The following IPO4 variants were observed in gnomAD, a reference collection of about 807,000 sequenced individuals.
IPO4 encodes importin 4, also known as importin-4.
A neutral mutation model predicts 133.5 loss-of-function variants in IPO4; 91 were observed. That is an observed-to-expected ratio of 0.68 (90% CI 0.58 to 0.81). The LOEUF is 0.81. Ranked by LOEUF, IPO4 falls within the 30% of genes least tolerant of loss-of-function variation. The pLI, the probability that IPO4 is intolerant of heterozygous loss-of-function variation, is 0.00. For missense variants in IPO4, 1,279 were observed against 1,386.2 expected, an observed-to-expected ratio of 0.92 and a Z score of 1.23; for synonymous variants, 607 against 581.6, an observed-to-expected ratio of 1.04 and a Z score of -0.63.
rs773156420 is a variant in IPO4, at chr14:24,183,611, C to T, written c.2042G>A (p.Gly681Glu). The T allele has an allele frequency of 1.9e-6, 3 of 1,614,010 alleles. No individual in the cohort carries two copies. Among genetic ancestry groups the T allele is most frequent in the Non-Finnish European group, 2.5e-6 (3 of 1,180,030 alleles). Residue 681 changes from glycine (G) to glutamate (E), a missense_variant, in exon 20 of 30, where the codon GGG becomes GAG. Gly to Glu is a moderately conservative substitution (Grantham distance 98). Coordinates refer to ENST00000354464, the MANE Select transcript of IPO4 (RefSeq NM_024658.4). ...DEKEDTCAAV[G>E]EISVNTSVAF... is the part of the protein sequence containing the mutation. ...TCACCTGGTGTTCACAGAGATCTCC[C>T]CCACGGCAGCACAGGTGTCTTCCTT...
At chr14:24,183,552 G>A in intron 20 of IPO4, 38 bp downstream of exon 20, 1 of 1,614,158 alleles carries the variant, frequency 6.2e-7, no homozygotes. Flanking sequence ...GGGGCCCCCA[G>A]GCAGGGTTTT....
intron 24 of IPO4, 81 bp from the exon 25 acceptor site, chr14:24,182,484 G>C: frequency 6.5e-7 from 1 of 1,540,202 alleles, no homozygotes; most frequent in Non-Finnish European, 8.8e-7. Flanking sequence ...GCCACCAGCT[G>C]CAGGGGTCCC....
chr14:24,185,964 T>G lies in IPO4; in HGVS notation c.1066A>C (p.Met356Leu). 1 of 1,613,928 alleles carries G rather than the reference T, an allele frequency of 6.2e-7. No homozygotes were observed. The highest frequency in any genetic ancestry group is 8.5e-7 in the Non-Finnish European group (1 of 1,179,888). The change falls in exon 12 of 30, where the codon ATG becomes CTG. Residue 356 changes from methionine to leucine, a missense_variant. Around this residue, in one of 3 missense-constraint regions of IPO4, gnomAD observed 695 missense variants for 704.1 expected, o/e 0.99. Transcript: ENST00000354464. ...PEKLCPQLMP[M>L]LEEALRSESP... The stretch of plus-strand genomic sequence containing the variant: ...TCGCTCCGCAAAGCCTCTTCCAACA[T>G]GGGCATCTAGGGAAGCATGTGGCAC...
intron 17 of IPO4, 26 bp from the exon 18 acceptor site, chr14:24,184,135 G>C (rs1437067337): frequency 6.2e-7 from 1 of 1,601,546 alleles, no homozygotes. Context: ...AGAAGAAGCT[G>C]TAAGGTCCTG....
Position 24,183,886 on chromosome 14 carries a change from C to T in IPO4, c.1882G>A (p.Gly628Arg), listed in dbSNP as rs1245876167. 6 of 1,614,040 alleles carry T rather than the reference C, an allele frequency of 3.7e-6. No homozygotes were observed. Among genetic ancestry groups the T allele is most frequent in the Middle Eastern group, 1.6e-4 (1 of 6,062 alleles). ...TCAAACAGAAGGAAGGAGCTGCTCC[C>T]GTCATACTGAGGCTGGAGCGGAGGC... ...STEGIVPQYD[G>R]SSSFLLFDDE... The change falls in exon 19 of 30, where the codon GGG becomes AGG. Residue 628 changes from glycine to arginine, a missense_variant. Gly to Arg is a moderately radical substitution (Grantham distance 125, BLOSUM62 -2). Coordinates refer to ENST00000354464, the MANE Select transcript of IPO4 (RefSeq NM_024658.4).
Position 24,182,954 on chromosome 14 carries a change from G to T in IPO4, c.2421+22C>A, listed in dbSNP as rs567601175. 5 of 1,612,888 alleles carry T rather than the reference G, an allele frequency of 3.1e-6. No homozygotes were observed. In the African/African-American group the frequency reaches 6.7e-5, roughly 22 times the overall value. On this transcript the variant is annotated intron_variant, in intron 23 of 29. Coordinates refer to ENST00000354464, the MANE Select transcript of IPO4 (RefSeq NM_024658.4). ...CCGAGGCCCAGCACCTCTCCTTCCC[G>T]AAGCCCACCTGCCCTGCTCACCTTC...
At chr14:24,185,152 C>A (rs757170039) in intron 14 of IPO4, 31 bp downstream of exon 14, 1 of 1,613,362 alleles carries the variant, frequency 6.2e-7, no homozygotes, top group Non-Finnish European at 8.5e-7. Context: ...GCCTCATCCC[C>A]CTTCCCCAAG....
chr14:24,188,173 G>A (rs771724625), intron 4 of IPO4, 43 bp downstream of exon 4: 29 of 1,598,354 alleles, frequency 1.8e-5, no homozygotes, highest in Non-Finnish European at 9.4e-6. Context: ...CAGAAACCTA[G>A]ACAAAGTCGT....
chr14:24,182,040 C>A lies in IPO4; in HGVS notation c.2722G>T (p.Ala908Ser), dbSNP rs773597112. 6.2e-7 allele frequency: 1 copy of A among 1,613,428 alleles called. No individual in the cohort carries two copies. The highest frequency in any genetic ancestry group is 8.5e-7 in the Non-Finnish European group (1 of 1,180,042). ...CGCACCTCGGGGTCTGCCTCTTGGG[C>A]GGTGCTCAACAGCACAGGGAGCAGC... ...SRLLPVLLST[A>S]QEADPEVRSN... The change falls in exon 26 of 30, where the codon GCC (alanine) becomes TCC (serine). Residue 908 changes from alanine to serine, a missense_variant. This residue lies in a region of IPO4 where 575 missense variants were observed against 653.4 expected (regional missense o/e 0.88). Coordinates refer to ENST00000354464, the MANE Select transcript of IPO4 (RefSeq NM_024658.4).
In IPO4 at chr14:24,183,338, C is replaced by T; in HGVS notation, c.2139G>A (p.Val713=). The T allele has an allele frequency of 6.2e-7, 1 of 1,611,178 alleles. No individual in the cohort carries two copies. Among genetic ancestry groups the T allele is most frequent in the Non-Finnish European group, 8.5e-7 (1 of 1,178,574 alleles). Residue 713 remains valine, a synonymous_variant, in exon 22 of 30, where the codon GTG becomes GTA. Coordinates refer to ENST00000354464, the MANE Select transcript of IPO4 (RefSeq NM_024658.4). The part of the protein sequence containing the change: ...FKLLECPHLN[V]RKAAHEALGQ... Reference sequence around the variant, plus strand: ...CCAGAGCCTCATGGGCTGCCTTCCGCACATTCAGGTGAGGGCACTGCAGGA... The same window carrying T: ...CCAGAGCCTCATGGGCTGCCTTCCGTACATTCAGGTGAGGGCACTGCAGGA...
Position 24,182,168 on chromosome 14 carries a change from T to C in IPO4, c.2599-5A>G, listed in dbSNP as rs1275174256. 1.2e-6 allele frequency: 2 copies of C among 1,613,924 alleles called. No homozygotes were observed. The highest frequency in any genetic ancestry group is 1.7e-6 in the Non-Finnish European group (2 of 1,179,992). Reference sequence around the variant, plus strand: ...TGCCACTGTGCAGCCCTGTTTCTGATGGGGGAGAACAGGAAGGAGTACAGA... The same window carrying C: ...TGCCACTGTGCAGCCCTGTTTCTGACGGGGGAGAACAGGAAGGAGTACAGA... On this transcript the variant is annotated splice_polypyrimidine_tract_variant and splice_region_variant and intron_variant, in intron 25 of 29. Transcript: ENST00000354464.
intron 9 of IPO4, 27 bp from the exon 10 acceptor site, chr14:24,186,478 C>T: frequency 6.5e-6 from 10 of 1,542,518 alleles, no homozygotes; most frequent in Non-Finnish European, 8.8e-6. Flanking sequence ...GAACAGTGTC[C>T]CTAAGAATCT....
rs2039268789 is a variant in IPO4, at chr14:24,188,798, G to T, written c.-11C>A. The T allele has an allele frequency of 2.7e-6, 4 of 1,491,782 alleles. No homozygotes were observed. Among genetic ancestry groups the T allele is most frequent in the Non-Finnish European group, 3.6e-6 (4 of 1,122,180 alleles). 92.4% of individuals were successfully genotyped at this position (1,491,782 alleles called of 1,614,324 possible). The stretch of plus-strand genomic sequence containing the variant: ...CCCGGCTGACTCCATGGCAGCAACT[G>T]AGCCGCCGCTACTGGGCCGAAAAGG... On this transcript the variant is annotated 5_prime_UTR_variant, in exon 1 of 30. Coordinates refer to ENST00000354464, the MANE Select transcript of IPO4 (RefSeq NM_024658.4).
rs1469024743 is a variant in IPO4, at chr14:24,188,606, G to A, written c.102C>T (p.Ala34=). The A allele has an allele frequency of 6.2e-7, 1 of 1,612,160 alleles. No homozygotes were observed. The highest frequency in any genetic ancestry group is 1.3e-5 in the African/African-American group (1 of 75,054). The change falls in exon 2 of 30, where the codon GCC becomes GCT. Residue 34 remains alanine, a synonymous_variant. Transcript: ENST00000354464. ...CGCAGAGAGCCGGCAAAGCGGCGGG[G>A]GCCCGAAGAACGATCTGGAGCTGTT... ...ATEQLQIVLR[A]PAALPALCDL... is the part of the protein sequence containing the mutation.
At chr14:24,182,564 C>T in intron 24 of IPO4, 161 bp from the exon 25 acceptor site, 3 of 1,065,544 alleles carry the variant, frequency 2.8e-6, no homozygotes, top group Non-Finnish European at 4.1e-6. Flanking sequence ...GCTTCTTCCC[C>T]TGGCTCTTCT....
chr14:24,180,322 G>A lies in IPO4; in HGVS notation c.*120C>T. 1 of 1,503,462 alleles carries A rather than the reference G, an allele frequency of 6.7e-7. No individual in the cohort carries two copies. Among genetic ancestry groups the A allele is most frequent in the Non-Finnish European group, 8.9e-7 (1 of 1,118,718 alleles). The allele number at this position is 1,503,462 out of a possible 1,614,324, so 93.1% of individuals were successfully genotyped here. The stretch of plus-strand genomic sequence containing the variant: ...ACAGCCCTGTAAGGCAGCAAGTGGG[G>A]CTGGCTCCAAATGGGTATGAGTCTC... On this transcript the variant is annotated 3_prime_UTR_variant, in exon 30 of 30. Coordinates refer to ENST00000354464, the MANE Select transcript of IPO4 (RefSeq NM_024658.4).
chr14:24,183,067 C>T lies in IPO4; in HGVS notation c.2330G>A (p.Gly777Glu). Residue 777 changes from glycine (G) to glutamate (E), a missense_variant, in exon 23 of 30, where the codon GGG becomes GAG. By Grantham distance (98) the Gly-to-Glu change is moderately conservative. This residue lies in a region of IPO4 where 575 missense variants were observed against 653.4 expected (regional missense o/e 0.88). Coordinates refer to ENST00000354464, the MANE Select transcript of IPO4 (RefSeq NM_024658.4). ...VVMAVLEALT[G>E]VLRSCGTLTL... The stretch of plus-strand genomic sequence containing the variant: ...GAGGGTCCCACAGCTGCGGAGCACC[C>T]CTGTCAGGGCCTCCAGCACGGCCAT... 6.2e-7 allele frequency: 1 copy of T among 1,613,878 alleles called. No homozygotes were observed. Among genetic ancestry groups the T allele is most frequent in the Non-Finnish European group, 8.5e-7 (1 of 1,180,038 alleles).
In IPO4 at chr14:24,181,563, C is replaced by A. The variant is rs1210737863; in HGVS notation, c.2995G>T (p.Val999Phe). Residue 999 changes from valine to phenylalanine, a missense_variant, in exon 28 of 30, where the codon GTC becomes TTC. This residue lies in a region of IPO4 where 575 missense variants were observed against 653.4 expected (regional missense o/e 0.88). Transcript: ENST00000354464. The stretch of plus-strand genomic sequence containing the variant: ...AAGCTGAAGAGGCGCCCAATGGTGA[C>A]CCACTCCTCCAAGTCCTCCTTCAGT... Reference protein sequence around the residue: ...LPLKEDLEEWVTIGRLFSFLY... With the variant: ...LPLKEDLEEWFTIGRLFSFLY... 6.2e-7 allele frequency: 1 copy of A among 1,606,936 alleles called. No individual in the cohort carries two copies. The highest frequency in any genetic ancestry group is 1.7e-5 in the Admixed American group (1 of 58,732).
In IPO4 at chr14:24,182,991, A is replaced by G. The variant is rs1355828887; in HGVS notation, c.2406T>C (p.Ala802=). The G allele has an allele frequency of 1.3e-5, 21 of 1,613,060 alleles. No individual in the cohort carries two copies. The highest frequency in any genetic ancestry group is 1.8e-5 in the Non-Finnish European group (21 of 1,179,326). Residue 802 remains alanine, a synonymous_variant, in exon 23 of 30, where the codon GCT becomes GCC. Coordinates refer to ENST00000354464, the MANE Select transcript of IPO4 (RefSeq NM_024658.4). ...CCCTGCTCACCTTCCTCTGCAGCAC[A>G]GCCTTGAGCACGCCACAGAGCTCAG... ...RLAELCGVLK[A]VLQRKTACQD... is the part of the protein sequence containing the mutation.
Sources: allele counts gnomAD v4.1 joint callset, GRCh38; gene constraint gnomAD v4.1.1; regional missense constraint gnomAD v4.1.1; transcripts MANE v1.5; gene names NCBI Gene and HGNC (gene_info 2026-07-23, HGNC 2026-07-21).